OLFM3: variants seen among roughly 807,000 people sequenced by gnomAD.
The protein encoded by OLFM3 is noelin-3.
In OLFM3, 20 loss-of-function variants were observed where a neutral mutation model predicts 48.6. That is an observed-to-expected ratio of 0.41 (90% CI 0.29 to 0.60). The LOEUF (loss-of-function observed/expected upper bound fraction) is 0.60. Ranked by LOEUF, OLFM3 falls within the 20% of genes least tolerant of loss-of-function variation. The pLI is 0.28. For synonymous variants in OLFM3, 222 were observed against 198.1 expected, an observed-to-expected ratio of 1.12 and a Z score of -1.01; for missense variants, 437 against 544.3, an observed-to-expected ratio of 0.80 and a Z score of 1.96.
intron 4 of OLFM3, chr1:101,812,884 T>C: frequency 1.0e-6 from 1 of 994,094 alleles, no homozygotes; most frequent in Non-Finnish European, 1.2e-6. Context: ...GAAAGCAAAC[T>C]TTACTTTCTT....
intron 1 of OLFM3, among the ~76,000 whole-genome samples, chr1:101,961,479 C>T (rs1275271220): frequency 6.6e-6 from 1 of 151,778 alleles, no homozygotes. Flanking sequence ...TTATTAAAAA[C>T]TTTTTAAAAA....
At chr1:101,850,142 A>T (rs375044171) in intron 1 of OLFM3, among the ~76,000 whole-genome samples, 212 of 107,562 alleles carry the variant, frequency 2.0e-3, no homozygotes, top group African/African-American at 8.2e-3. Context: ...CAAAATAACA[A>T]ACCAAAATCT....
At chr1:101,875,635 A>C (rs796769794) in intron 1 of OLFM3, among the ~76,000 whole-genome samples, 3 of 149,208 alleles carry the variant, frequency 2.0e-5, no homozygotes, top group African/African-American at 7.4e-5. Context: ...AGAAGTGGTT[A>C]TCTACAGTCC....
At chr1:101,992,462 A>G (rs1661439333) in intron 1 of OLFM3, among the ~76,000 whole-genome samples, 1 of 152,190 alleles carries the variant, frequency 6.6e-6, no homozygotes, top group Admixed American at 6.5e-5. Flanking sequence ...TTACTGGTGC[A>G]TAATTACAGG....
At chr1:101,856,222 G>T (rs1486229265) in intron 1 of OLFM3, among the ~76,000 whole-genome samples, 2 of 151,910 alleles carry the variant, frequency 1.3e-5, no homozygotes, top group Non-Finnish European at 2.9e-5. Flanking sequence ...AACCTCTAAA[G>T]ATCTGGTGTT....
Position 101,969,405 on chromosome 1 carries a change from G to A in OLFM3, c.69+27343C>T, listed in dbSNP as rs1417385769. On this transcript the variant is annotated intron_variant, in intron 1 of 5. Transcript: ENST00000370103. The stretch of plus-strand genomic sequence containing the variant: ...TGGTCTTGAACTCGTGGACTCAAGT[G>A]ATCTGCCCACCTCAGCCTCCCAAGA... Among the ~76,000 whole-genome samples, 3 of 151,394 alleles carry A rather than the reference G, an allele frequency of 2.0e-5. No homozygotes were observed. The East Asian group carries it at 5.8e-4, about 29-fold the overall frequency.
chr1:101,815,662 G>A (rs936915482), intron 4 of OLFM3, among the ~76,000 whole-genome samples: 1 of 152,118 alleles, frequency 6.6e-6, no homozygotes, highest in African/African-American at 2.4e-5. Flanking sequence ...TGTCCAGCTA[G>A]ACAGATTGTA....
chr1:101,944,150 T>C (rs943231294), intron 1 of OLFM3, among the ~76,000 whole-genome samples: 1 of 151,760 alleles, frequency 6.6e-6, no homozygotes, highest in African/African-American at 2.4e-5. Flanking sequence ...AAATAATCTG[T>C]GCCTACTTCT....
At chr1:101,814,925 A>G (rs957414586) in intron 4 of OLFM3, among the ~76,000 whole-genome samples, 1 of 152,248 alleles carries the variant, frequency 6.6e-6, no homozygotes, top group East Asian at 1.9e-4. Context: ...AGGAGCAAAT[A>G]AACAGAAAGA....
At chr1:101,979,559 T>G (rs1163384321) in intron 1 of OLFM3, among the ~76,000 whole-genome samples, 1 of 152,216 alleles carries the variant, frequency 6.6e-6, no homozygotes, top group Non-Finnish European at 1.5e-5. Flanking sequence ...TTCTTTGCCT[T>G]CCACCATGAC....
chr1:101,946,535 T>C (rs562376354), intron 1 of OLFM3, among the ~76,000 whole-genome samples: 1 of 152,350 alleles, frequency 6.6e-6, no homozygotes, highest in South Asian at 2.1e-4. Context: ...AGCGTACCTA[T>C]AATTTGAAAT....
At chr1:101,807,050 G>T (rs571680383) in intron 4 of OLFM3, among the ~76,000 whole-genome samples, 1 of 151,822 alleles carries the variant, frequency 6.6e-6, no homozygotes, top group Non-Finnish European at 1.5e-5. Context: ...TTAAAATAAT[G>T]TTTTTGTCCC....
At chr1:101,959,898 TTTC>T (rs1358348172) in intron 1 of OLFM3, among the ~76,000 whole-genome samples, 4 of 152,174 alleles carry the variant, frequency 2.6e-5, no homozygotes, top group African/African-American at 9.7e-5. Context: ...GATTAAATAT[TTTC>T]TTTATACTGA....
chr1:101,894,659 A>G (rs1040300783), intron 1 of OLFM3, among the ~76,000 whole-genome samples: 9 of 152,034 alleles, frequency 5.9e-5, no homozygotes, highest in African/African-American at 1.7e-4. Flanking sequence ...TGCCTATTTT[A>G]CTATTTGTCT....
At chr1:101,881,676 C>A (rs1284466305) in intron 1 of OLFM3, among the ~76,000 whole-genome samples, 1 of 151,634 alleles carries the variant, frequency 6.6e-6, no homozygotes, top group Non-Finnish European at 1.5e-5. Flanking sequence ...ATGCTACAAG[C>A]CACCATATGC....
intron 1 of OLFM3, among the ~76,000 whole-genome samples, chr1:101,899,970 A>G (rs1417836172): frequency 1.3e-5 from 2 of 152,182 alleles, no homozygotes. Flanking sequence ...CTTTTCTGTC[A>G]TATTATTACC....
chr1:101,985,688 T>C (rs1661215134), intron 1 of OLFM3, among the ~76,000 whole-genome samples: 1 of 152,226 alleles, frequency 6.6e-6, no homozygotes, highest in Non-Finnish European at 1.5e-5. Context: ...TTTACTCATT[T>C]ATCTTTCAAT....
chr1:101,968,290 C>G (rs368427829), intron 1 of OLFM3, among the ~76,000 whole-genome samples: 5 of 152,006 alleles, frequency 3.3e-5, no homozygotes, highest in Non-Finnish European at 7.4e-5. Flanking sequence ...TTGCTCTCCT[C>G]ATCCAGAAGA....
At chr1:101,847,202 A>C in intron 1 of OLFM3, 2 of 269,640 alleles carry the variant, frequency 7.4e-6, no homozygotes, top group African/African-American at 4.6e-5. Context: ...ATCAAACAAA[A>C]TATTCTTGAT....
Sources: allele counts gnomAD v4.1 joint callset (sites outside exome capture counted in the v4.1 genomes callset), GRCh38; gene constraint gnomAD v4.1.1; transcripts MANE v1.5; gene names NCBI Gene and HGNC (gene_info 2026-07-23, HGNC 2026-07-21).